The following SLC26A7 variants were observed in gnomAD, a reference collection of about 807,000 sequenced individuals.
SLC26A7 encodes solute carrier family 26 member 7, also known as anion exchange transporter.
A neutral mutation model predicts 82.5 loss-of-function variants in SLC26A7; 59 were observed. That is an observed-to-expected ratio of 0.72 (90% CI 0.58 to 0.89). SLC26A7 has a LOEUF of 0.89. SLC26A7 is among the 40% of genes least tolerant of loss of function. SLC26A7 has a pLI of 0.00. For missense variants in SLC26A7, 820 were observed against 793.0 expected (o/e 1.03, Z -0.41); for synonymous variants, 271 against 274.3 (o/e 0.99, Z 0.12).
intron 11 of SLC26A7, 29 bp from the exon 12 acceptor site, chr8:91,362,324 A>T: frequency 6.4e-7 from 1 of 1,560,462 alleles, no homozygotes. Context: ...CAAAGGATTC[A>T]CAACTTCTGT....
intron 9 of SLC26A7, among the ~76,000 whole-genome samples, chr8:91,350,169 T>C (rs1399195360): frequency 6.6e-6 from 1 of 152,080 alleles, no homozygotes; most frequent in African/African-American, 2.4e-5. Context: ...TCCCTCAGCC[T>C]CTGCCAACAG....
intron 2 of SLC26A7, among the ~76,000 whole-genome samples, chr8:91,241,089 G>A (rs1308636133): frequency 6.6e-6 from 1 of 152,226 alleles, no homozygotes; most frequent in South Asian, 2.1e-4. Context: ...TATTCTCAGA[G>A]ATGTCTACCC....
At chr8:91,279,118 T>C (rs559649787) in intron 2 of SLC26A7, among the ~76,000 whole-genome samples, 45 of 101,258 alleles carry the variant, frequency 4.4e-4, no homozygotes, top group Non-Finnish European at 6.7e-4. Flanking sequence ...AGTATGTGTG[T>C]GTGTGTGTAT....
At chr8:91,224,926 A>T (rs918218311) in intron 2 of SLC26A7, among the ~76,000 whole-genome samples, 1 of 152,176 alleles carries the variant, frequency 6.6e-6, no homozygotes, top group Non-Finnish European at 1.5e-5. Context: ...CCACTGAAGG[A>T]TGGGTCAGGG....
At chr8:91,302,215 T>C (rs1812185392) in intron 4 of SLC26A7, among the ~76,000 whole-genome samples, 1 of 152,082 alleles carries the variant, frequency 6.6e-6, no homozygotes. Context: ...AGCTATTAGG[T>C]TCTTCCTTGT....
chr8:91,233,566 C>CA (rs1005719500), intron 2 of SLC26A7, among the ~76,000 whole-genome samples: 4 of 141,346 alleles, frequency 2.8e-5, no homozygotes, highest in African/African-American at 1.1e-4. Flanking sequence ...GATTCTGTGT[C>CA]AAAAAAAGAA....
At position 91,340,922 on chromosome 8, in the gene SLC26A7, A is replaced by G. The variant is rs182724019; in HGVS notation, c.1026+371A>G. ...CTAAAGAATGTGAGCGTCTATTCTT[A>G]GAATACCAAGGGATGTAGATTATAC... is the stretch of plus-strand genomic sequence containing the variant. On this transcript the variant is annotated intron_variant, in intron 8 of 18. Transcript: ENST00000276609. 5.9e-5 allele frequency among the ~76,000 whole-genome samples: 9 copies of G among 152,294 alleles called. No individual in the cohort carries two copies. The East Asian group carries it at 1.7e-3, about 29-fold the overall frequency.
chr8:91,250,547 T>A (rs925317613), intron 2 of SLC26A7, among the ~76,000 whole-genome samples: 1 of 152,250 alleles, frequency 6.6e-6, no homozygotes, highest in South Asian at 2.1e-4. Context: ...GTGTGTGTAT[T>A]TGTTTGCCTT....
chr8:91,279,137 A>ATATATATATATATG (rs1202062551), intron 2 of SLC26A7, among the ~76,000 whole-genome samples: 1,179 of 100,278 alleles, frequency 0.012, 14 homozygotes, highest in Non-Finnish European at 0.017. Flanking sequence ...ATATATATAT[A>ATATATATATATATG]TATATATATA....
chr8:91,312,176 A>G (rs1170795615), intron 4 of SLC26A7, among the ~76,000 whole-genome samples: 1 of 152,156 alleles, frequency 6.6e-6, no homozygotes, highest in East Asian at 1.9e-4. Flanking sequence ...GATTTTGACT[A>G]AGTATTTCAT....
At chr8:91,371,636 C>A (rs564943491) in intron 15 of SLC26A7, among the ~76,000 whole-genome samples, 116 of 151,760 alleles carry the variant, frequency 7.6e-4, no homozygotes, top group African/African-American at 2.5e-3. Context: ...TTTATCCAGT[C>A]CATCTAGGTT....
intron 5 of SLC26A7, among the ~76,000 whole-genome samples, chr8:91,322,534 G>C (rs1349436759): frequency 6.6e-6 from 1 of 152,104 alleles, no homozygotes; most frequent in Non-Finnish European, 1.5e-5. Context: ...TTTTTAAATT[G>C]AGGAATGATG....
At chr8:91,266,250 T>C (rs1389100243) in intron 2 of SLC26A7, among the ~76,000 whole-genome samples, 1 of 151,760 alleles carries the variant, frequency 6.6e-6, no homozygotes, top group Admixed American at 6.6e-5. Flanking sequence ...CATTTTAGGC[T>C]TTTTTTTCTA....
chr8:91,247,179 C>CA (rs1810555654), upstream of SLC26A7, among the ~76,000 whole-genome samples: 2 of 152,226 alleles, frequency 1.3e-5, no homozygotes, highest in African/African-American at 2.4e-5. Flanking sequence ...TGAGATTTTA[C>CA]AAAAAATCTT....
chr8:91,253,706 C>T (rs374877788), intron 2 of SLC26A7, among the ~76,000 whole-genome samples: 2 of 152,228 alleles, frequency 1.3e-5, no homozygotes, highest in South Asian at 2.1e-4. Flanking sequence ...ATGTTTTCTT[C>T]CCTCTTACTC....
At position 91,295,617 on chromosome 8, in the gene SLC26A7, A is replaced by G; in HGVS notation, c.391A>G (p.Asn131Asp). The G allele has an allele frequency of 1.9e-6, 3 of 1,614,130 alleles. No homozygotes were observed. The highest frequency in any genetic ancestry group is 2.5e-6 in the Non-Finnish European group (3 of 1,179,992). ...QNMQNLTTQSNTSVLGLSDFE... is the reference protein window; with the variant it reads ...QNMQNLTTQSDTSVLGLSDFE... ...CATGCAGAATCTCACCACACAGAGT[A>G]ACACAAGCGTGCTGGGCTTATCCGA... Residue 131 changes from asparagine to aspartate, a missense_variant, in exon 4 of 19, where the codon AAC becomes GAC. Asn to Asp is a conservative substitution (Grantham distance 23). Coordinates refer to ENST00000276609, the MANE Select transcript of SLC26A7 (RefSeq NM_052832.4).
intron 1 of SLC26A7, chr8:91,218,824 A>G: frequency 2.0e-6 from 2 of 1,009,580 alleles, no homozygotes; most frequent in East Asian, 5.4e-5. Flanking sequence ...GAAAGCAAAT[A>G]TTTATTTTAA....
chr8:91,217,773 C>A (rs1810080851), intron 1 of SLC26A7, among the ~76,000 whole-genome samples: 2 of 152,180 alleles, frequency 1.3e-5, no homozygotes, highest in Admixed American at 1.3e-4. Flanking sequence ...CTGAGGAGTT[C>A]AGAACCTGTT....
chr8:91,233,201 A>G (rs906591491), intron 2 of SLC26A7, among the ~76,000 whole-genome samples: 2 of 152,220 alleles, frequency 1.3e-5, no homozygotes, highest in Admixed American at 1.3e-4. Flanking sequence ...GCAAAACAGG[A>G]TAAGTGCAGA....
Sources: gnomAD v4.1 joint callset for allele counts (sites outside exome capture counted in the v4.1 genomes callset) on GRCh38, gnomAD v4.1.1 for gene constraint, MANE v1.5 for transcripts, NCBI Gene and HGNC (gene_info 2026-07-23, HGNC 2026-07-21) for gene names.